The following HMGCLL1 variants were observed in gnomAD, a reference collection of about 807,000 sequenced individuals.
The protein encoded by HMGCLL1 is 3-hydroxy-3-methylglutaryl-CoA lyase like 1, also known as 3-hydroxymethyl-3-methylglutaryl-CoA lyase, cytoplasmic.
Under a neutral mutation model 39.1 loss-of-function variants are expected in HMGCLL1, and 36 were observed. The observed-to-expected ratio is 0.92, with a 90% CI of 0.71 to 1.22. The LOEUF is 1.22. Ranked by LOEUF, HMGCLL1 falls within the 50% of genes most tolerant of loss-of-function variation. HMGCLL1 has a pLI of 0.00. For missense variants in HMGCLL1, 451 were observed against 416.5 expected, an observed-to-expected ratio of 1.08 and a Z score of -0.72; for synonymous variants, 149 against 144.0, an observed-to-expected ratio of 1.03 and a Z score of -0.25.
the HMGCLL1 span, among the ~76,000 whole-genome samples, chr6:55,650,104 T>TACACAC: frequency 5.1e-4 from 35 of 68,734 alleles, 2 homozygotes; most frequent in East Asian, 0.013. Context: ...TATATATATA[T>TACACAC]ATATATATAT....
At chr6:55,549,708 CTAAA>C (rs1276914477) in intron 1 of HMGCLL1, among the ~76,000 whole-genome samples, 2 of 151,774 alleles carry the variant, frequency 1.3e-5, no homozygotes, top group African/African-American at 4.9e-5. Flanking sequence ...ATTCATCATT[CTAAA>C]TAGTTATTTT....
the HMGCLL1 span, among the ~76,000 whole-genome samples, chr6:55,623,456 T>C: frequency 7.9e-5 from 12 of 151,828 alleles, no homozygotes; most frequent in African/African-American, 2.9e-4. Flanking sequence ...TCCATTTTCA[T>C]TTCTTTCAAG....
chr6:55,644,665 C>T, the HMGCLL1 span, among the ~76,000 whole-genome samples: 1 of 151,976 alleles, frequency 6.6e-6, no homozygotes, highest in Non-Finnish European at 1.5e-5. Context: ...ATGTTTTCCC[C>T]AATGTATGTT....
the HMGCLL1 span, among the ~76,000 whole-genome samples, chr6:55,597,535 A>C: frequency 6.6e-6 from 1 of 151,934 alleles, no homozygotes; most frequent in Non-Finnish European, 1.5e-5. Flanking sequence ...AAGAAGGAAA[A>C]AAAAGAGGTT....
At chr6:55,574,819 C>G (rs940916593) in intron 1 of HMGCLL1, among the ~76,000 whole-genome samples, 1 of 151,860 alleles carries the variant, frequency 6.6e-6, no homozygotes, top group Non-Finnish European at 1.5e-5. Context: ...TTCCAGAGAC[C>G]CTTTAGCACC....
the HMGCLL1 span, among the ~76,000 whole-genome samples, chr6:55,630,199 C>T: frequency 1.2e-4 from 19 of 152,268 alleles, no homozygotes; most frequent in Middle Eastern, 0.01. Flanking sequence ...GGGAGCCTAC[C>T]TCTTGCATCA....
At chr6:55,444,868 A>G (rs1003972814) in intron 7 of HMGCLL1, among the ~76,000 whole-genome samples, 5 of 152,050 alleles carry the variant, frequency 3.3e-5, no homozygotes, top group Admixed American at 2.6e-4. Flanking sequence ...ATCTAAGACT[A>G]CAGGACTAAT....
intron 1 of HMGCLL1, among the ~76,000 whole-genome samples, chr6:55,576,141 T>C (rs541564388): frequency 5.9e-5 from 9 of 152,284 alleles, no homozygotes; most frequent in African/African-American, 1.4e-4. Flanking sequence ...ATATAATGCA[T>C]ATTATCTACA....
intron 7 of HMGCLL1, among the ~76,000 whole-genome samples, chr6:55,493,688 A>C (rs1321789589): frequency 6.6e-6 from 1 of 151,042 alleles, no homozygotes; most frequent in East Asian, 1.9e-4. Context: ...ACACATACAC[A>C]CCATTTTAGG....
intron 3 of HMGCLL1, among the ~76,000 whole-genome samples, chr6:55,524,959 CTATTAATT>C (rs1266321635): frequency 6.7e-6 from 1 of 149,174 alleles, no homozygotes; most frequent in Non-Finnish European, 1.5e-5. Context: ...ATTACTATTA[CTATTAATT>C]AATAGTAATA....
At chr6:55,599,983 T>G in the HMGCLL1 span, among the ~76,000 whole-genome samples, 1 of 152,304 alleles carries the variant, frequency 6.6e-6, no homozygotes, top group South Asian at 2.1e-4. Context: ...CATTAGATAT[T>G]TTTATGTTGA....
intron 5 of HMGCLL1, among the ~76,000 whole-genome samples, chr6:55,511,620 T>G (rs1767466512): frequency 6.6e-6 from 1 of 152,106 alleles, no homozygotes. Flanking sequence ...GCTGTTACCA[T>G]GCAAGACATG....
At chr6:55,631,888 T>G in the HMGCLL1 span, among the ~76,000 whole-genome samples, 1 of 152,134 alleles carries the variant, frequency 6.6e-6, no homozygotes, top group Admixed American at 6.6e-5. Flanking sequence ...CTCAAAACCC[T>G]GCAGAGCAGT....
intron 3 of HMGCLL1, among the ~76,000 whole-genome samples, chr6:55,525,002 TA>T (rs1768241786): frequency 6.6e-6 from 1 of 151,438 alleles, no homozygotes; most frequent in African/African-American, 2.4e-5. Context: ...TATTATCTGT[TA>T]TAGAAGTACA....
rs1469615027 is a variant in HMGCLL1, at chr6:55,542,085, G to A, written c.164C>T (p.Pro55Leu). 1 of 1,609,488 alleles carries A rather than the reference G, an allele frequency of 6.2e-7. No homozygotes were observed. Among genetic ancestry groups the A allele is most frequent in the Non-Finnish European group, 8.5e-7 (1 of 1,176,860 alleles). The change falls in exon 2 of 9, where the codon CCT (proline) becomes CTT (leucine). Residue 55 changes from proline (P) to leucine (L), a missense_variant. By Grantham distance (98) the Pro-to-Leu change is moderately conservative. Transcript: ENST00000274901. ...CTTTTCATTCTGCAATCCATCCCTA[G>A]GCCCAACTTCTACTATTTTAACAAA... Reference protein sequence around the residue: ...PEFVKIVEVGPRDGLQNEKVI... With the variant: ...PEFVKIVEVGLRDGLQNEKVI...
At chr6:55,485,219 C>A (rs1172382344) in intron 7 of HMGCLL1, among the ~76,000 whole-genome samples, 2 of 152,102 alleles carry the variant, frequency 1.3e-5, no homozygotes, top group Admixed American at 6.6e-5. Context: ...AATTTCCCAT[C>A]TTCTGTATCT....
chr6:55,515,013 G>A (rs1361494134), intron 4 of HMGCLL1, among the ~76,000 whole-genome samples: 1 of 152,004 alleles, frequency 6.6e-6, no homozygotes, highest in African/African-American at 2.4e-5. Context: ...CCAGCACTTT[G>A]GGAACTCAAG....
intron 7 of HMGCLL1, among the ~76,000 whole-genome samples, chr6:55,456,338 C>A (rs942649271): frequency 6.6e-6 from 1 of 152,160 alleles, no homozygotes; most frequent in Non-Finnish European, 1.5e-5. Context: ...AATTCAATGT[C>A]ATCCTTACTT....
chr6:55,632,089 G>A, the HMGCLL1 span, among the ~76,000 whole-genome samples: 1 of 152,044 alleles, frequency 6.6e-6, no homozygotes, highest in East Asian at 1.9e-4. Flanking sequence ...AAATGGATTA[G>A]TTAATACTTT....
Sources: allele counts gnomAD v4.1 joint callset (sites outside exome capture counted in the v4.1 genomes callset), GRCh38; gene constraint gnomAD v4.1.1; transcripts MANE v1.5; gene names NCBI Gene and HGNC (gene_info 2026-07-23, HGNC 2026-07-21).